PLCD3: variants seen among roughly 807,000 people sequenced by gnomAD.
PLCD3 encodes phospholipase C delta 3.
PLCD3 carries 62 observed loss-of-function variants against 82.8 expected under a neutral mutation model. The ratio of observed to expected loss-of-function variants is 0.75; its 90% CI spans 0.61 to 0.93. The LOEUF is 0.93. PLCD3 is among the 40% of genes least tolerant of loss of function. The pLI is 0.00. For missense variants in PLCD3, 1,023 were observed against 1,103.4 expected (o/e 0.93, Z 1.03); for synonymous variants, 478 against 471.8 (o/e 1.01, Z -0.17).
In PLCD3 at chr17:45,112,815, C is replaced by T. The variant is rs376372513; in HGVS notation, c.2281+48G>A. 7.0e-5 allele frequency: 113 copies of T among 1,606,292 alleles called. 2 individuals are homozygous for T. In the South Asian group the frequency reaches 1.1e-3, roughly 16 times the overall value. On this transcript the variant is annotated intron_variant, in intron 14 of 14. Coordinates refer to ENST00000619929, the MANE Select transcript of PLCD3 (RefSeq NM_133373.5). Reference sequence around the variant, plus strand: ...GAGGCACAAAGGTGAACAGGGTCTGCAGGACCTGGACCCACATCCCTCTCC... The same window carrying T: ...GAGGCACAAAGGTGAACAGGGTCTGTAGGACCTGGACCCACATCCCTCTCC...
Position 45,112,964 on chromosome 17 carries a change from G to A in PLCD3, c.2180C>T (p.Pro727Leu), listed in dbSNP as rs776224121. The change falls in exon 14 of 15, where the codon CCG becomes CTG. Residue 727 changes from proline to leucine, a missense_variant. Physicochemically the swap from Pro to Leu is moderately conservative, Grantham distance 98 (BLOSUM62 -3). This residue lies in a region of PLCD3 where 553 missense variants were observed against 655.7 expected (regional missense o/e 0.84). Transcript: ENST00000619929. The stretch of plus-strand genomic sequence containing the variant: ...CACAAACCGGACCAGTGCCAGCTCC[G>A]GAGCCCGCAGCTGGAACTGCAGGGT... ...GQTLQFQLRA[P>L]ELALVRFVVE... 7 of 1,611,888 alleles carry A rather than the reference G, an allele frequency of 4.3e-6. No individual in the cohort carries two copies. The highest frequency in any genetic ancestry group is 1.7e-5 in the Admixed American group (1 of 59,772).
intron 11 of PLCD3, 53 bp from the exon 12 acceptor site, chr17:45,113,658 A>C: frequency 6.5e-7 from 1 of 1,535,510 alleles, no homozygotes; most frequent in Admixed American, 2.0e-5. Context: ...TGTTCTCACT[A>C]CTCAGTTTCA....
rs555373807 is a variant in PLCD3, at chr17:45,113,205, A to G, written c.2048T>C (p.Ile683Thr). 1.1e-5 allele frequency: 18 copies of G among 1,611,514 alleles called. No homozygotes were observed. The East Asian group carries it at 3.8e-4, about 34-fold the overall frequency. ...CTCAATGCGCACCAGGGGGTCCACA[A>G]TGGAGTGTGGCTTCTCGGCATTCAG... ...PKLNAEKPHS[I>T]VDPLVRIEIH... The change falls in exon 13 of 15, where the codon ATT becomes ACT. Residue 683 changes from isoleucine (I) to threonine (T), a missense_variant. Physicochemically the swap from Ile to Thr is moderately conservative, Grantham distance 89. Around this residue, in one of 3 missense-constraint regions of PLCD3, gnomAD observed 553 missense variants for 655.7 expected, o/e 0.84. Coordinates refer to ENST00000619929, the MANE Select transcript of PLCD3 (RefSeq NM_133373.5).
chr17:45,112,484 G>A lies in PLCD3; in HGVS notation c.*132C>T, dbSNP rs759887499. 2 of 1,000,122 alleles carry A rather than the reference G, an allele frequency of 2.0e-6. No individual in the cohort carries two copies. The highest frequency in any genetic ancestry group is 3.0e-6 in the Non-Finnish European group (2 of 665,080). 62.0% of individuals were successfully genotyped at this position (1,000,122 alleles called of 1,614,324 possible). A position where few individuals can be genotyped will look rare whatever the true frequency, so the allele number is the denominator to read the frequency against. ...CACCCAGGTGAGACCAGCGCCTGGT[G>A]AATGGGCTGAGTGGGCCAAGTGGGT... On this transcript the variant is annotated 3_prime_UTR_variant, in exon 15 of 15. Transcript: ENST00000619929.
Position 45,121,255 on chromosome 17 carries a change from AC to A in PLCD3, c.280del (p.Val94CysfsTer74), listed in dbSNP as rs780089489. ...ACGCGGGATGCGCCGCTGGAACCAC[AC>A]GCTCAGGCCGTCCTCCTGCAGCCGG... The part of the protein sequence containing the change: ...LYRLQEDGLS[V>X]WFQRRIPRAP... On this transcript the variant is annotated frameshift_variant, in exon 2 of 15. Coordinates refer to ENST00000619929, the MANE Select transcript of PLCD3 (RefSeq NM_133373.5). LOFTEE classifies it high-confidence loss of function. 13 of 1,591,784 alleles carry A rather than the reference AC, an allele frequency of 8.2e-6. No individual in the cohort carries two copies. Among genetic ancestry groups the A allele is most frequent in the Non-Finnish European group, 1.1e-5 (13 of 1,177,170 alleles).
rs1212795888 is a variant in PLCD3 at position 45,132,471 on chromosome 17, G to C, written c.-61C>G. 1 of 1,058,134 alleles carries C rather than the reference G, an allele frequency of 9.5e-7. No individual in the cohort carries two copies. The highest frequency in any genetic ancestry group is 1.7e-5 in the African/African-American group (1 of 59,670). 65.5% of individuals were successfully genotyped at this position (1,058,134 alleles called of 1,614,324 possible). Reference sequence around the variant, plus strand: ...GCACGCGGGGACAGGGCAGCGGGGCGCCGCTCTGGCCCGGCCCCGGCTCTG... The same window carrying C: ...GCACGCGGGGACAGGGCAGCGGGGCCCCGCTCTGGCCCGGCCCCGGCTCTG... On this transcript the variant is annotated 5_prime_UTR_variant, in exon 1 of 15. Coordinates refer to ENST00000619929, the MANE Select transcript of PLCD3 (RefSeq NM_133373.5). This position sits in a 1 kb window ranked among gnomAD's most constrained non-coding sequence, Gnocchi z 4.6.
intron 1 of PLCD3, among the ~76,000 whole-genome samples, chr17:45,122,967 C>A (rs2054353252): frequency 6.6e-6 from 1 of 151,990 alleles, no homozygotes; most frequent in Non-Finnish European, 1.5e-5. Context: ...TGTGTGAAGC[C>A]TCCAGATATT....
rs766357169 is a variant in PLCD3, at chr17:45,113,595, G to A, written c.1839C>T (p.Asn613=). 1.3e-6 allele frequency: 2 copies of A among 1,555,340 alleles called. No homozygotes were observed. Among genetic ancestry groups the A allele is most frequent in the African/African-American group, 1.4e-5 (1 of 73,190 alleles). ...WNSGCQLVAL[N]FQTPGYEMDL... ...CCATCTCGTAGCCTGGCGTCTGGAA[G>A]TTCAAGGCCACTGTGGACACAGCAG... Residue 613 remains asparagine (N), a synonymous_variant, in exon 12 of 15, where the codon AAC becomes AAT. Coordinates refer to ENST00000619929, the MANE Select transcript of PLCD3 (RefSeq NM_133373.5).
chr17:45,126,890 C>T (rs1024778449), intron 1 of PLCD3, among the ~76,000 whole-genome samples: 5 of 152,314 alleles, frequency 3.3e-5, no homozygotes, highest in Non-Finnish European at 7.4e-5. Context: ...AAACTCCTGG[C>T]CTCAAGTGAT....
rs371257563 is a variant in PLCD3, at chr17:45,118,880, C to T, written c.848G>A (p.Gly283Asp). Residue 283 changes from glycine to aspartate, a missense_variant, in exon 5 of 15, where the codon GGC becomes GAC. By Grantham distance (94) the Gly-to-Asp change is moderately conservative. Coordinates refer to ENST00000619929, the MANE Select transcript of PLCD3 (RefSeq NM_133373.5). The surrounding 1 kb of genome is among the most constrained non-coding windows in gnomAD (Gnocchi z 4.1). The stretch of plus-strand genomic sequence containing the variant: ...GCGGGCCAGTGTGGCGCCCTCCTCG[C>T]CCTGGTCCTCCAGGAACTCCAGCAG... ...PELLEFLEDQ[G>D]EEGATLARAQ... is the part of the protein sequence containing the mutation. 1.2e-6 allele frequency: 2 copies of T among 1,612,402 alleles called. No homozygotes were observed. The highest frequency in any genetic ancestry group is 2.7e-5 in the African/African-American group (2 of 75,048).
intron 8 of PLCD3, among the ~76,000 whole-genome samples, chr17:45,116,250 G>A (rs1200118926): frequency 6.6e-6 from 1 of 152,214 alleles, no homozygotes; most frequent in Non-Finnish European, 1.5e-5. Context: ...CTGAAGTTGA[G>A]CTGAATTCTA....
intron 1 of PLCD3, among the ~76,000 whole-genome samples, chr17:45,131,333 G>A (rs1231912711): frequency 1.3e-5 from 2 of 152,166 alleles, no homozygotes; most frequent in African/African-American, 2.4e-5. Flanking sequence ...TCTACCAATG[G>A]CAGGTCCAAC....
At chr17:45,117,511 A>G (rs2054300516) in intron 7 of PLCD3, among the ~76,000 whole-genome samples, 1 of 152,182 alleles carries the variant, frequency 6.6e-6, no homozygotes, top group Admixed American at 6.5e-5. Context: ...GAGTGCTGGG[A>G]ATACGGGTGT....
chr17:45,121,106 A>T lies in PLCD3; in HGVS notation c.350T>A (p.Val117Asp). The T allele has an allele frequency of 6.5e-7, 1 of 1,529,328 alleles. No individual in the cohort carries two copies. The highest frequency in any genetic ancestry group is 8.7e-7 in the Non-Finnish European group (1 of 1,146,314). The allele number at this position is 1,529,328 out of a possible 1,614,324, so 94.7% of individuals were successfully genotyped here. The stretch of plus-strand genomic sequence containing the variant: ...GCCCTCGGACTGGTGGCCCTCGCGG[A>T]CCGCCTCGATGTGCTGCACGAAGAC... Reference protein sequence around the residue: ...HIFFVQHIEAVREGHQSEGLR... With the variant: ...HIFFVQHIEADREGHQSEGLR... The change falls in exon 3 of 15, where the codon GTC (valine) becomes GAC (aspartate). Residue 117 changes from valine (V) to aspartate (D), a missense_variant. By Grantham distance (152) the Val-to-Asp change is radical. Transcript: ENST00000619929.
At chr17:45,117,105 C>T (rs565467859) in intron 7 of PLCD3, among the ~76,000 whole-genome samples, 19 of 152,178 alleles carry the variant, frequency 1.2e-4, no homozygotes, top group African/African-American at 4.3e-4. Context: ...CCACCACACC[C>T]GGCTAATTTT....
intron 4 of PLCD3, among the ~76,000 whole-genome samples, chr17:45,119,586 A>G (rs2054320527): frequency 6.6e-6 from 1 of 152,204 alleles, no homozygotes; most frequent in Non-Finnish European, 1.5e-5. Context: ...GCCCCTCTGC[A>G]CCATGACCTA....
chr17:45,114,168 A>G, intron 11 of PLCD3, 82 bp downstream of exon 11: 1 of 1,009,102 alleles, frequency 9.9e-7, no homozygotes, highest in Non-Finnish European at 1.4e-6. Context: ...ACCGTCTGGA[A>G]GGCTGTGTGG....
At chr17:45,113,326 C>G in intron 12 of PLCD3, 69 bp from the exon 13 acceptor site, 6 of 1,552,264 alleles carry the variant, frequency 3.9e-6, no homozygotes, top group Non-Finnish European at 5.2e-6. Context: ...GCCTCAAGCT[C>G]ACACCACCCT....
chr17:45,124,840 G>A (rs2054369224), intron 1 of PLCD3, among the ~76,000 whole-genome samples: 1 of 152,228 alleles, frequency 6.6e-6, no homozygotes, highest in South Asian at 2.1e-4. Context: ...GACTGAGTGG[G>A]TGGAGACAAT....
Sources: gnomAD v4.1 joint callset for allele counts (sites outside exome capture counted in the v4.1 genomes callset) on GRCh38, gnomAD v4.1.1 for gene constraint, gnomAD v4.1.1 regional missense constraint, Gnocchi (gnomAD v3.1) non-coding constraint, MANE v1.5 for transcripts, NCBI Gene and HGNC (gene_info 2026-07-23, HGNC 2026-07-21) for gene names.